TNFAIP8: variants seen among roughly 807,000 people sequenced by gnomAD.
The protein encoded by TNFAIP8 is tumor necrosis factor alpha-induced protein 8.
TNFAIP8 carries 7 observed loss-of-function variants against 13.3 expected under a neutral mutation model. That is an observed-to-expected ratio of 0.52 (90% CI 0.30 to 0.99). TNFAIP8 has a LOEUF of 0.99. Among genes scored for constraint, TNFAIP8 ranks in the 50% least tolerant of loss-of-function variants. The probability of loss-of-function intolerance (pLI) is 0.07; values close to 1 mark genes in which losing one functional copy is unlikely to be tolerated. For synonymous variants in TNFAIP8, 94 were observed against 87.6 expected, an observed-to-expected ratio of 1.07 and a Z score of -0.41; for missense variants, 258 against 236.9, an observed-to-expected ratio of 1.09 and a Z score of -0.58.
At chr5:119,312,745 C>CAAAAAA (rs869226026) in intron 1 of TNFAIP8, among the ~76,000 whole-genome samples, 362 of 43,210 alleles carry the variant, frequency 8.4e-3, no homozygotes, top group Non-Finnish European at 0.011. Flanking sequence ...GCAAAAAATA[C>CAAAAAA]AAAAAAAAAA....
intron 1 of TNFAIP8, among the ~76,000 whole-genome samples, chr5:119,275,629 T>A (rs372903240): frequency 3.9e-5 from 6 of 152,280 alleles, no homozygotes; most frequent in African/African-American, 1.4e-4. Context: ...GACCATTTTT[T>A]TCTTTGAAGC....
At chr5:119,305,456 G>T (rs1324414832) in intron 1 of TNFAIP8, among the ~76,000 whole-genome samples, 1 of 152,194 alleles carries the variant, frequency 6.6e-6, no homozygotes, top group Non-Finnish European at 1.5e-5. Flanking sequence ...GGGCCTGGGT[G>T]TGGTGGTGTA....
intron 1 of TNFAIP8, among the ~76,000 whole-genome samples, chr5:119,363,584 T>TTAA (rs1281682573): frequency 2.6e-5 from 4 of 152,324 alleles, no homozygotes; most frequent in East Asian, 1.9e-4. Flanking sequence ...AACAAGTGAA[T>TTAA]ATGGGCAGGA....
intron 1 of TNFAIP8, among the ~76,000 whole-genome samples, chr5:119,377,926 C>T (rs116034851): frequency 0.012 from 1,814 of 152,172 alleles, 41 homozygotes; most frequent in African/African-American, 0.042. Flanking sequence ...AGGAAATGAA[C>T]AGAAATGTGT....
At chr5:119,284,824 A>G (rs547824589) in intron 1 of TNFAIP8, among the ~76,000 whole-genome samples, 2 of 152,306 alleles carry the variant, frequency 1.3e-5, no homozygotes, top group Middle Eastern at 3.4e-3. Flanking sequence ...CAGTGTTACT[A>G]GCATTTGCTT....
In TNFAIP8 at chr5:119,289,104, A is replaced by T. The variant is rs1027525467; in HGVS notation, c.1+20197A>T. Among the ~76,000 whole-genome samples the T allele has an allele frequency of 2.0e-5, 3 of 152,168 alleles. No homozygotes were observed. The South Asian group carries it at 6.2e-4, about 31-fold the overall frequency. On this transcript the variant is annotated intron_variant, in intron 1 of 1. Coordinates refer to the TNFAIP8 transcript ENST00000274456. Reference sequence around the variant, plus strand: ...TTAATACAAATGTTGATTCAAAGTAAATTTACCTGCTGGGCCAGCTTACCT... The same window carrying T: ...TTAATACAAATGTTGATTCAAAGTATATTTACCTGCTGGGCCAGCTTACCT...
At chr5:119,355,368 C>G, upstream of TNFAIP8, 1 of 702,450 alleles carries the variant, frequency 1.4e-6, no homozygotes, top group East Asian at 2.7e-5. Context: ...GAGTAAGCAG[C>G]CCCGTCTGCT....
chr5:119,326,892 T>C (rs986843363), intron 1 of TNFAIP8, among the ~76,000 whole-genome samples: 1 of 152,262 alleles, frequency 6.6e-6, no homozygotes, highest in South Asian at 2.1e-4. Context: ...TGTTTGGAAG[T>C]AAGAACATTT....
intron 1 of TNFAIP8, among the ~76,000 whole-genome samples, chr5:119,286,377 T>C (rs1216948682): frequency 6.6e-6 from 1 of 152,118 alleles, no homozygotes; most frequent in African/African-American, 2.4e-5. Flanking sequence ...ATCCCAGCAC[T>C]TTTGGAGGCC....
chr5:119,275,318 A>C (rs1416267015), intron 1 of TNFAIP8, among the ~76,000 whole-genome samples: 1 of 152,216 alleles, frequency 6.6e-6, no homozygotes, highest in Non-Finnish European at 1.5e-5. Context: ...AGTGTTCATT[A>C]GTTGAAAATC....
chr5:119,295,932 G>C (rs1749161180), intron 1 of TNFAIP8, among the ~76,000 whole-genome samples: 2 of 151,110 alleles, frequency 1.3e-5, no homozygotes, highest in South Asian at 4.2e-4. Flanking sequence ...CTCTCTGTCT[G>C]TTGTTGGTGT....
chr5:119,378,220 A>G (rs1752354085), intron 1 of TNFAIP8, among the ~76,000 whole-genome samples: 1 of 152,250 alleles, frequency 6.6e-6, no homozygotes, highest in South Asian at 2.1e-4. Context: ...ATGCCTGGGC[A>G]TGCGGAGAGG....
At chr5:119,366,104 TGGAGAGA>T (rs1208595483) in intron 1 of TNFAIP8, among the ~76,000 whole-genome samples, 1 of 138,760 alleles carries the variant, frequency 7.2e-6, no homozygotes, top group Non-Finnish European at 1.5e-5. Context: ...GAAGTAGGAG[TGGAGAGA>T]GAGAGGAAGG....
intron 1 of TNFAIP8, among the ~76,000 whole-genome samples, chr5:119,330,681 C>T (rs531561229): frequency 1.4e-4 from 22 of 152,290 alleles, no homozygotes; most frequent in African/African-American, 5.1e-4. Flanking sequence ...GTGATAGTCT[C>T]TTGCTCTGAG....
At chr5:119,334,158 T>G in intron 1 of TNFAIP8, among the ~76,000 whole-genome samples, 1 of 131,278 alleles carries the variant, frequency 7.6e-6, no homozygotes, top group Admixed American at 7.3e-5. Context: ...AAAAAAACGG[T>G]TTACCTTACA....
chr5:119,272,467 G>C (rs1056296874), intron 1 of TNFAIP8, among the ~76,000 whole-genome samples: 4 of 152,212 alleles, frequency 2.6e-5, no homozygotes, highest in African/African-American at 9.7e-5. Flanking sequence ...GAATTCTGTT[G>C]TGTTTCACAA....
intron 1 of TNFAIP8, among the ~76,000 whole-genome samples, chr5:119,357,440 C>T (rs2112778077): frequency 6.6e-6 from 1 of 152,228 alleles, no homozygotes; most frequent in African/African-American, 2.4e-5. Flanking sequence ...AGGAACCAGG[C>T]TGAGAGAACT....
At chr5:119,297,445 G>C (rs1297331759) in intron 1 of TNFAIP8, among the ~76,000 whole-genome samples, 2 of 152,126 alleles carry the variant, frequency 1.3e-5, no homozygotes, top group African/African-American at 4.8e-5. Flanking sequence ...CTGAGTTCTA[G>C]TTTGATTGCA....
intron 1 of TNFAIP8, among the ~76,000 whole-genome samples, chr5:119,295,966 A>G (rs1361456650): frequency 6.6e-6 from 1 of 150,942 alleles, no homozygotes; most frequent in Non-Finnish European, 1.5e-5. Context: ...TGATTTTTGT[A>G]CATTGATTTT....
Sources: allele counts gnomAD v4.1 joint callset (sites outside exome capture counted in the v4.1 genomes callset), GRCh38; gene constraint gnomAD v4.1.1; transcripts MANE v1.5; gene names NCBI Gene and HGNC (gene_info 2026-07-23, HGNC 2026-07-21).